The following RFTN2 variants were observed in gnomAD, a reference collection of about 807,000 sequenced individuals.
The protein encoded by RFTN2 is raftlin family member 2.
RFTN2 carries 34 observed loss-of-function variants against 52.7 expected under a neutral mutation model. The observed-to-expected ratio is 0.64, with a 90% CI of 0.49 to 0.86. The LOEUF (loss-of-function observed/expected upper bound fraction) is 0.86. Ranked by LOEUF, RFTN2 falls within the 40% of genes least tolerant of loss-of-function variation. RFTN2 has a pLI of 0.00. For synonymous variants in RFTN2, 203 were observed against 217.7 expected (o/e 0.93, Z 0.59); for missense variants, 536 against 600.1 (o/e 0.89, Z 1.12).
rs527459316 is a variant in RFTN2 at position 197,633,867 on chromosome 2, G to A, written c.569C>T (p.Ser190Leu). ...IESMLHVRHGSDENCRSWNEG... is the reference protein window; with the variant it reads ...IESMLHVRHGLDENCRSWNEG... ...ATTCCAACTTCTACAGTTTTCATCT[G>A]AACCGTGTCTCACATGTAGCATCGA... Residue 190 changes from serine to leucine, a missense_variant, in exon 4 of 9, where the codon TCA becomes TTA. Ser to Leu is a moderately radical substitution (Grantham distance 145, BLOSUM62 -2). Coordinates refer to ENST00000295049, the MANE Select transcript of RFTN2 (RefSeq NM_144629.3). 8.7e-6 allele frequency: 14 copies of A among 1,613,866 alleles called. No individual in the cohort carries two copies. In the Admixed American group the frequency reaches 1.3e-4, roughly 15 times the overall value.
intron 7 of RFTN2, among the ~76,000 whole-genome samples, chr2:197,602,111 G>A (rs933369911): frequency 2.0e-5 from 3 of 151,972 alleles, no homozygotes; most frequent in African/African-American, 7.3e-5. Flanking sequence ...TGTCACCCAG[G>A]CTGGAGTGCA....
rs974660702 is a variant in RFTN2, at chr2:197,618,058, C to T, written c.929-137G>A. On this transcript the variant is annotated intron_variant, in intron 5 of 8. Transcript: ENST00000295049. The stretch of plus-strand genomic sequence containing the variant: ...AAAAAACATTTGTTGCCCCCTCCCC[C>T]TCCCCCTCTCCCTCTCCCTCTCCCT... 2.1e-5 allele frequency: 9 copies of T among 435,854 alleles called. No individual in the cohort carries two copies. The South Asian group carries it at 2.5e-4, about 12-fold the overall frequency. The allele number at this position is 435,854 out of a possible 1,614,324, so 27.0% of individuals were successfully genotyped here. A position where few individuals can be genotyped will look rare whatever the true frequency, so the allele number is the denominator to read the frequency against.
intron 5 of RFTN2, among the ~76,000 whole-genome samples, chr2:197,620,029 C>T (rs946441727): frequency 6.6e-6 from 1 of 151,550 alleles, no homozygotes; most frequent in Admixed American, 6.6e-5. Context: ...AATTTGGTTT[C>T]GGATCTATAC....
At chr2:197,666,544 C>G (rs1342416224) in intron 1 of RFTN2, among the ~76,000 whole-genome samples, 1 of 152,272 alleles carries the variant, frequency 6.6e-6, no homozygotes, top group East Asian at 1.9e-4. Context: ...TGACTAGATA[C>G]TTTTCTCTTG....
chr2:197,582,370 C>A (rs1046547527), intron 8 of RFTN2, among the ~76,000 whole-genome samples: 2 of 152,202 alleles, frequency 1.3e-5, no homozygotes, highest in Non-Finnish European at 2.9e-5. Flanking sequence ...CCACAGCTGA[C>A]CCCCATAACT....
At chr2:197,647,371 G>A (rs1217606950) in intron 1 of RFTN2, among the ~76,000 whole-genome samples, 1 of 151,928 alleles carries the variant, frequency 6.6e-6, no homozygotes, top group Admixed American at 6.6e-5. Context: ...CACCACACCC[G>A]GCTGAGTTTT....
At chr2:197,640,293 C>G (rs1000846525) in intron 3 of RFTN2, among the ~76,000 whole-genome samples, 3 of 151,218 alleles carry the variant, frequency 2.0e-5, no homozygotes, top group African/African-American at 7.3e-5. Flanking sequence ...GCTTTGTTTA[C>G]CTAAGGAAGC....
In RFTN2 at chr2:197,640,693, T is replaced by TTC. The variant is rs1414748258; in HGVS notation, c.438+3463_438+3464dup. On this transcript the variant is annotated intron_variant, in intron 3 of 8. Transcript: ENST00000295049. ...GATGGAAATGCAGAAATCACCCGTC[T>TTC]TCTGCGTCGCTCACGCCGGGAGCTG... Among the ~76,000 whole-genome samples, 4 of 152,034 alleles carry TTC rather than the reference T, an allele frequency of 2.6e-5. No homozygotes were observed. In the East Asian group the frequency reaches 7.7e-4, roughly 29 times the overall value.
At chr2:197,595,210 G>A (rs951409360) in intron 8 of RFTN2, among the ~76,000 whole-genome samples, 1 of 152,184 alleles carries the variant, frequency 6.6e-6, no homozygotes, top group African/African-American at 2.4e-5. Context: ...GTTGCCAAAG[G>A]TCAATATAGC....
At chr2:197,616,295 T>TTTTAC (rs2088143132) in intron 6 of RFTN2, among the ~76,000 whole-genome samples, 1 of 24,420 alleles carries the variant, frequency 4.1e-5, no homozygotes, top group Non-Finnish European at 9.4e-5. Context: ...TTTTATTTTA[T>TTTTAC]TTTATTTTAT....
At chr2:197,581,923 C>T (rs2087517114) in intron 8 of RFTN2, among the ~76,000 whole-genome samples, 2 of 152,210 alleles carry the variant, frequency 1.3e-5, no homozygotes, top group South Asian at 4.1e-4. Context: ...CCTTTCCCCA[C>T]TCCTCTTTCC....
chr2:197,617,806 AAC>A lies in RFTN2; in HGVS notation c.1042_1043del (p.Val348TyrfsTer2). On this transcript the variant is annotated frameshift_variant, in exon 6 of 9. Transcript: ENST00000295049. LOFTEE classifies it high-confidence loss of function. ...TCAGAAAACTGCAGCTCACCTCAATAACAGTCCATTGTTCTACTACGATGGCA... is the reference window on the plus strand; with the variant it reads ...TCAGAAAACTGCAGCTCACCTCAATAAGTCCATTGTTCTACTACGATGGCA... ...NDAIVVEQWT[V>X]IEGCEIKTDY... 3 of 1,568,982 alleles carry A rather than the reference AAC, an allele frequency of 1.9e-6. No individual in the cohort carries two copies. The highest frequency in any genetic ancestry group is 2.6e-6 in the Non-Finnish European group (3 of 1,154,728).
chr2:197,619,263 C>G (rs1355289551), intron 5 of RFTN2, among the ~76,000 whole-genome samples: 1 of 151,738 alleles, frequency 6.6e-6, no homozygotes, highest in Non-Finnish European at 1.5e-5. Flanking sequence ...TCATTGAGAA[C>G]GGGCCATGAT....
At chr2:197,657,478 T>G (rs2088910182) in intron 1 of RFTN2, among the ~76,000 whole-genome samples, 1 of 152,196 alleles carries the variant, frequency 6.6e-6, no homozygotes, top group Admixed American at 6.5e-5. Context: ...TTATTCACTC[T>G]GGTGAGCGCT....
At chr2:197,593,575 G>A (rs2087749765) in intron 8 of RFTN2, among the ~76,000 whole-genome samples, 1 of 152,004 alleles carries the variant, frequency 6.6e-6, no homozygotes, top group South Asian at 2.1e-4. Context: ...AAAAATAATG[G>A]CCATTTGTAG....
chr2:197,632,427 C>T (rs2088482331), intron 4 of RFTN2, among the ~76,000 whole-genome samples: 1 of 152,204 alleles, frequency 6.6e-6, no homozygotes. Flanking sequence ...GCTGGGCTTT[C>T]ATTCTTCTCT....
rs377434228 is a variant in RFTN2, at chr2:197,568,458, C to A, written c.*3550G>T. 6.6e-6 allele frequency: 1 copy of A among 152,210 alleles called. No homozygotes were observed. Among genetic ancestry groups the A allele is most frequent in the African/African-American group, 2.4e-5 (1 of 41,452 alleles). The allele number at this position is 152,210 out of a possible 1,614,324, so 9.4% of individuals were successfully genotyped here. A position where few individuals can be genotyped will look rare whatever the true frequency, so the allele number is the denominator to read the frequency against. ...TATCTGACAGACCTGGTTCTGCAAA[C>A]TTTGCACTATTACACAAATAAAATT... On this transcript the variant is annotated 3_prime_UTR_variant, in exon 9 of 9. Transcript: ENST00000295049.
chr2:197,619,007 TG>T (rs563878711), intron 5 of RFTN2, among the ~76,000 whole-genome samples: 7 of 136,198 alleles, frequency 5.1e-5, no homozygotes, highest in South Asian at 4.7e-4. Flanking sequence ...GGGAGGGAGG[TG>T]GGGGGGTCAG....
chr2:197,589,301 G>GT (rs1433222068), intron 8 of RFTN2, among the ~76,000 whole-genome samples: 1 of 141,202 alleles, frequency 7.1e-6, no homozygotes, highest in Non-Finnish European at 1.5e-5. Context: ...CACCATCCAC[G>GT]TAAGATGTGA....
Sources: gnomAD v4.1 joint callset for allele counts (sites outside exome capture counted in the v4.1 genomes callset) on GRCh38, gnomAD v4.1.1 for gene constraint, MANE v1.5 for transcripts, NCBI Gene and HGNC (gene_info 2026-07-23, HGNC 2026-07-21) for gene names.